PIEZO2: variants seen among roughly 807,000 people sequenced by gnomAD.
The protein encoded by PIEZO2 is piezo type mechanosensitive ion channel component 2, also known as piezo-type mechanosensitive ion channel component 2.
Under a neutral mutation model 337.3 loss-of-function variants are expected in PIEZO2, and 172 were observed. The ratio of observed to expected loss-of-function variants is 0.51; its 90% CI spans 0.45 to 0.58. The LOEUF (loss-of-function observed/expected upper bound fraction) is 0.58, where lower values mean the gene tolerates loss of function less well. PIEZO2 is among the 20% of genes least tolerant of loss of function. The pLI is 0.00. For synonymous variants in PIEZO2, 1,251 were observed against 1,228.5 expected (o/e 1.02, Z -0.38); for missense variants, 3,028 against 3,391.3 (o/e 0.89, Z 2.66).
intron 48 of PIEZO2, among the ~76,000 whole-genome samples, chr18:10,690,842 A>C (rs911186859): frequency 2.6e-5 from 4 of 152,198 alleles, no homozygotes; most frequent in Non-Finnish European, 5.9e-5. Flanking sequence ...TGTATACAAA[A>C]AATTCTAAGG....
rs1441492033 is a variant in PIEZO2 at position 10,759,846 on chromosome 18, C to G, written c.3514G>C (p.Ala1172Pro). 2.6e-6 allele frequency: 4 copies of G among 1,537,352 alleles called. No homozygotes were observed. The highest frequency in any genetic ancestry group is 2.6e-6 in the Non-Finnish European group (3 of 1,146,960). Reference sequence around the variant, plus strand: ...TATAAGACAGCGATCAGCCAGCAGGCGTGGATCATGGCATAGAAATCCATT... The same window carrying G: ...TATAAGACAGCGATCAGCCAGCAGGGGTGGATCATGGCATAGAAATCCATT... ...QRMDFYAMIH[A>P]CWLIAVLYRR... Residue 1172 changes from alanine (A) to proline (P), a missense_variant, in exon 25 of 56, where the codon GCC (alanine) becomes CCC (proline). By Grantham distance (27) the Ala-to-Pro change is conservative. This residue lies in a region of PIEZO2 where 1,925 missense variants were observed against 2,051.9 expected (regional missense o/e 0.94). Coordinates refer to ENST00000674853, the MANE Select transcript of PIEZO2 (RefSeq NM_001378183.1). The surrounding 1 kb of genome is among the most constrained non-coding windows in gnomAD (Gnocchi z 5.5).
chr18:10,897,449 A>C (rs1374373303), intron 4 of PIEZO2, among the ~76,000 whole-genome samples: 2 of 152,154 alleles, frequency 1.3e-5, no homozygotes, highest in Non-Finnish European at 2.9e-5. Flanking sequence ...TCAGCCTCCC[A>C]AAATGCTGGG....
Position 10,861,837 on chromosome 18 carries a change from G to A in PIEZO2, c.493-4626C>T, listed in dbSNP as rs971238377. Among the ~76,000 whole-genome samples, 1 of 152,124 alleles carries A rather than the reference G, an allele frequency of 6.6e-6. No individual in the cohort carries two copies. Among genetic ancestry groups the A allele is most frequent in the Non-Finnish European group, 1.5e-5 (1 of 68,008 alleles). ...GATCGAGACCTGCCTGGACAACATG[G>A]TGAAACCTTGTCTGTACTAAAACTA... On this transcript the variant is annotated intron_variant, in intron 5 of 55. Coordinates refer to ENST00000674853, the MANE Select transcript of PIEZO2 (RefSeq NM_001378183.1). This position sits in a 1 kb window ranked among gnomAD's most constrained non-coding sequence, Gnocchi z 4.3.
intron 2 of PIEZO2, among the ~76,000 whole-genome samples, chr18:11,056,855 A>G (rs2037748505): frequency 6.6e-6 from 1 of 152,184 alleles, no homozygotes; most frequent in Non-Finnish European, 1.5e-5. Flanking sequence ...TCCTCCAGTC[A>G]TGCAACAGAT....
In PIEZO2 at chr18:10,677,782, T is replaced by C. The variant is rs373272627; in HGVS notation, c.8046A>G (p.Ile2682Met). The C allele has an allele frequency of 2.5e-6, 4 of 1,611,236 alleles. No homozygotes were observed. The African/African-American group carries it at 5.3e-5, about 22-fold the overall frequency. ...TTGAACTTTCTGTGCTGTTGCCTGC[T>C]ATCATTTTAGCGATATTCTTTCGAG... ...NITRKNIAKM[I>M]AGNSTESSKT... Residue 2682 changes from isoleucine (I) to methionine (M), a missense_variant, in exon 53 of 56, where the codon ATA becomes ATG. Around this residue, in one of 5 missense-constraint regions of PIEZO2, gnomAD observed 332 missense variants for 363.8 expected, o/e 0.91. Coordinates refer to ENST00000674853, the MANE Select transcript of PIEZO2 (RefSeq NM_001378183.1). The surrounding 1 kb of genome is among the most constrained non-coding windows in gnomAD (Gnocchi z 4.1).
At chr18:10,881,460 G>A (rs929917819) in intron 4 of PIEZO2, among the ~76,000 whole-genome samples, 3 of 152,198 alleles carry the variant, frequency 2.0e-5, no homozygotes, top group African/African-American at 7.2e-5. Flanking sequence ...ACAGAGGTGA[G>A]AGTAGGATGC....
At chr18:11,091,731 G>T (rs1415663936) in intron 1 of PIEZO2, among the ~76,000 whole-genome samples, 1 of 152,144 alleles carries the variant, frequency 6.6e-6, no homozygotes, top group Non-Finnish European at 1.5e-5. Flanking sequence ...GTTTGTTCTT[G>T]TTCATAGTGT....
Position 10,945,904 on chromosome 18 carries a change from A to C in PIEZO2, c.286+33631T>G, listed in dbSNP as rs1438466435. Among the ~76,000 whole-genome samples the C allele has an allele frequency of 2.0e-5, 3 of 152,228 alleles. No homozygotes were observed. Among genetic ancestry groups the C allele is most frequent in the Non-Finnish European group, 4.4e-5 (3 of 68,030 alleles). ...ACTGAATGGGGATTAAAAGCAGATT[A>C]GACACTGCAAAAGAAAAGATTAGTG... On this transcript the variant is annotated intron_variant, in intron 3 of 55. Coordinates refer to ENST00000674853, the MANE Select transcript of PIEZO2 (RefSeq NM_001378183.1). The surrounding 1 kb of genome is among the most constrained non-coding windows in gnomAD (Gnocchi z 4.0).
rs1257363842 is a variant in PIEZO2, at chr18:11,003,230, G to A, written c.161-23570C>T. 1.3e-5 allele frequency among the ~76,000 whole-genome samples: 2 copies of A among 152,114 alleles called. No homozygotes were observed. Among genetic ancestry groups the A allele is most frequent in the Non-Finnish European group, 2.9e-5 (2 of 68,034 alleles). ...TTTCCATGTAAAACAGAAACCTCTGGTCTAGGATGTGTTTTCTTTTGTTGT... is the reference window on the plus strand; with the variant it reads ...TTTCCATGTAAAACAGAAACCTCTGATCTAGGATGTGTTTTCTTTTGTTGT... On this transcript the variant is annotated intron_variant, in intron 2 of 55. Coordinates refer to ENST00000674853, the MANE Select transcript of PIEZO2 (RefSeq NM_001378183.1). The surrounding 1 kb of genome is among the most constrained non-coding windows in gnomAD (Gnocchi z 4.6).
intron 1 of PIEZO2, among the ~76,000 whole-genome samples, chr18:11,114,997 G>A (rs982920253): frequency 2.6e-5 from 4 of 152,218 alleles, no homozygotes; most frequent in African/African-American, 4.8e-5. Context: ...TAAGGACAAT[G>A]TGAACATTCC....
In PIEZO2 at chr18:10,855,691, A is replaced by C. The variant is rs958006210; in HGVS notation, c.704-125T>G. ...TGTTTTTAGGTTTTTTAAAATAGTA[A>C]TTTTTAAAAATCATGTTTGATTTAT... is the stretch of plus-strand genomic sequence containing the variant. On this transcript the variant is annotated intron_variant, in intron 6 of 55. Coordinates refer to ENST00000674853, the MANE Select transcript of PIEZO2 (RefSeq NM_001378183.1). This position sits in a 1 kb window ranked among gnomAD's most constrained non-coding sequence, Gnocchi z 4.9. The C allele has an allele frequency of 2.7e-6, 2 of 734,136 alleles. No individual in the cohort carries two copies. Among genetic ancestry groups the C allele is most frequent in the Non-Finnish European group, 4.3e-6 (2 of 466,120 alleles). 45.5% of individuals were successfully genotyped at this position (734,136 alleles called of 1,614,324 possible).
chr18:10,687,972 A>G (rs577587471), intron 49 of PIEZO2, among the ~76,000 whole-genome samples: 1 of 152,270 alleles, frequency 6.6e-6, no homozygotes, highest in South Asian at 2.1e-4. Context: ...ATGATTGTTT[A>G]TTTTATTTTA....
intron 22 of PIEZO2, 92 bp from the exon 23 acceptor site, chr18:10,762,717 G>A (rs1021084901): frequency 1.0e-5 from 15 of 1,436,108 alleles, no homozygotes; most frequent in Admixed American, 2.2e-5. Flanking sequence ...CAAAATGATA[G>A]TGGTAGGATG....
rs569818319 is a variant in PIEZO2, at chr18:11,109,100, G to A, written c.64+39425C>T. 1.3e-5 allele frequency among the ~76,000 whole-genome samples: 2 copies of A among 152,294 alleles called. No individual in the cohort carries two copies. Among genetic ancestry groups the A allele is most frequent in the South Asian group, 4.1e-4 (2 of 4,824 alleles). ...CATCCTGGGCAAAGGGTGACATCATGTCAGAGAACTATGCATCCCTCTCCT... is the reference window on the plus strand; with the variant it reads ...CATCCTGGGCAAAGGGTGACATCATATCAGAGAACTATGCATCCCTCTCCT... On this transcript the variant is annotated intron_variant, in intron 1 of 55. Transcript: ENST00000674853. The surrounding 1 kb of genome is among the most constrained non-coding windows in gnomAD (Gnocchi z 5.1).
At position 10,870,950 on chromosome 18, in the gene PIEZO2, A is replaced by G. The variant is rs540620614; in HGVS notation, c.492+303T>C. Among the ~76,000 whole-genome samples, 1 of 152,206 alleles carries G rather than the reference A, an allele frequency of 6.6e-6. No homozygotes were observed. Among genetic ancestry groups the G allele is most frequent in the South Asian group, 2.1e-4 (1 of 4,826 alleles). On this transcript the variant is annotated intron_variant, in intron 5 of 55. Transcript: ENST00000674853. The surrounding 1 kb of genome is among the most constrained non-coding windows in gnomAD (Gnocchi z 5.3). ...GACCAATTGAACCATAACACTATGT[A>G]TGACCTTGCACGGTTAGCCTCCGAG... is the stretch of plus-strand genomic sequence containing the variant.
chr18:10,684,400 C>CAA (rs2034446011), intron 49 of PIEZO2, among the ~76,000 whole-genome samples: 1 of 150,272 alleles, frequency 6.7e-6, no homozygotes, highest in African/African-American at 2.5e-5. Flanking sequence ...CTCCTGGCCT[C>CAA]GTGATCTGCC....
intron 23 of PIEZO2, among the ~76,000 whole-genome samples, chr18:10,762,205 A>C (rs1327993872): frequency 6.6e-6 from 1 of 152,242 alleles, no homozygotes; most frequent in Non-Finnish European, 1.5e-5. Flanking sequence ...ACATGCTTCA[A>C]TTCTAATGCA....
At chr18:10,740,799 CT>C in intron 33 of PIEZO2, 1 of 662,514 alleles carries the variant, frequency 1.5e-6, no homozygotes. Context: ...ACGTGTTTGG[CT>C]TTCTACAGCC....
intron 2 of PIEZO2, among the ~76,000 whole-genome samples, chr18:11,043,240 AACGC>A (rs1472826964): frequency 0.027 from 1,901 of 70,536 alleles, 44 homozygotes; most frequent in African/African-American, 0.089. Flanking sequence ...CCTCCCTTTA[AACGC>A]ACACACACAC....
Sources: allele counts gnomAD v4.1 joint callset (sites outside exome capture counted in the v4.1 genomes callset), GRCh38; gene constraint gnomAD v4.1.1; regional missense constraint gnomAD v4.1.1; non-coding constraint Gnocchi (gnomAD v3.1); transcripts MANE v1.5; gene names NCBI Gene and HGNC (gene_info 2026-07-23, HGNC 2026-07-21).